The following GATB variants were observed in gnomAD, a reference collection of about 807,000 sequenced individuals.
GATB encodes glutamyl-tRNA amidotransferase subunit B.
Under a neutral mutation model 62.3 loss-of-function variants are expected in GATB, and 39 were observed. The ratio of observed to expected loss-of-function variants is 0.63; its 90% CI spans 0.48 to 0.82. The LOEUF is 0.82. Among genes scored for constraint, GATB ranks in the 40% least tolerant of loss-of-function variants. GATB has a pLI of 0.00. For missense variants in GATB, 670 were observed against 684.0 expected, an observed-to-expected ratio of 0.98 and a Z score of 0.23; for synonymous variants, 276 against 258.9, an observed-to-expected ratio of 1.07 and a Z score of -0.63.
intron 2 of GATB, among the ~76,000 whole-genome samples, chr4:151,737,470 G>A (rs1739399034): frequency 6.6e-6 from 1 of 152,218 alleles, no homozygotes; most frequent in Non-Finnish European, 1.5e-5. Context: ...AGAGCATAAA[G>A]TTTGGAAAAT....
intron 2 of GATB, chr4:151,722,393 T>C (rs1739049363): frequency 3.5e-6 from 2 of 571,734 alleles, no homozygotes; most frequent in South Asian, 4.5e-5. Context: ...ATTGTGGATC[T>C]GTGGCATTCT....
At chr4:151,752,210 T>C (rs1047713207) in intron 2 of GATB, among the ~76,000 whole-genome samples, 2 of 152,226 alleles carry the variant, frequency 1.3e-5, no homozygotes, top group Admixed American at 6.5e-5. Context: ...GATTATTTTT[T>C]TCTTCTCTGT....
intron 2 of GATB, among the ~76,000 whole-genome samples, chr4:151,724,764 C>G (rs1479829026): frequency 6.6e-6 from 1 of 152,044 alleles, no homozygotes; most frequent in Admixed American, 6.5e-5. Context: ...ATTTAGCTCC[C>G]CTGGCACTTG....
At position 151,758,632 on chromosome 4, in the gene GATB, A is replaced by C. The variant is rs183191811; in HGVS notation, c.327+140T>G. The C allele has an allele frequency of 3.3e-3, 2,124 of 651,450 alleles. 50 individuals are homozygous for C. The highest frequency in any genetic ancestry group is 7.7e-4 in the Non-Finnish European group (316 of 409,632). 40.4% of individuals were successfully genotyped at this position (651,450 alleles called of 1,614,324 possible). ...GAGATGGGTCTTCAGAAAACATTTA[A>C]TATATCCCGCTTCACCCAAAACTCC... On this transcript the variant is annotated intron_variant, in intron 2 of 12. Coordinates refer to ENST00000263985, the MANE Select transcript of GATB (RefSeq NM_004564.3).
intron 11 of GATB, chr4:151,677,536 T>C (rs1379216397): frequency 1.3e-5 from 2 of 152,214 alleles, no homozygotes; most frequent in African/African-American, 2.4e-5. Context: ...TCCATTCCTA[T>C]AGGTATACAT....
intron 6 of GATB, 94 bp from the exon 7 acceptor site, chr4:151,705,363 TAA>T (rs113829752): frequency 7.9e-3 from 4,649 of 587,536 alleles, no homozygotes; most frequent in Non-Finnish European, 8.3e-3. Context: ...ATCTCTAAGT[TAA>T]AAAAAAAAAA....
Position 151,672,870 on chromosome 4 carries a change from T to A in GATB, c.1437A>T (p.Glu479Asp), listed in dbSNP as rs146268611. The change falls in exon 12 of 13, where the codon GAA (glutamate) becomes GAT (aspartate). Residue 479 changes from glutamate to aspartate, a missense_variant. Physicochemically the swap from Glu to Asp is conservative, Grantham distance 45. Transcript: ENST00000263985. Reference sequence around the variant, plus strand: ...AAACAATCTGCCCTGGAGTCTTGCCTTCCCTCTTCCACAGTTCCTCAAACA... The same window carrying A: ...AAACAATCTGCCCTGGAGTCTTGCCATCCCTCTTCCACAGTTCCTCAAACA... ...KQVFEELWKR[E>D]GKTPGQIVSE... 76 of 1,614,088 alleles carry A rather than the reference T, an allele frequency of 4.7e-5. No individual in the cohort carries two copies. Among genetic ancestry groups the A allele is most frequent in the Non-Finnish European group, 5.2e-5 (61 of 1,180,028 alleles).
chr4:151,673,501 G>GCAAA (rs1737925365), intron 11 of GATB: 2 of 152,238 alleles, frequency 1.3e-5, no homozygotes, highest in African/African-American at 4.8e-5. Flanking sequence ...ATACAAAATG[G>GCAAA]CAAACAACTG....
chr4:151,688,903 A>G, intron 9 of GATB, 140 bp from the exon 10 acceptor site: 1 of 707,306 alleles, frequency 1.4e-6, no homozygotes, highest in Non-Finnish European at 2.3e-6. Context: ...AGATGTCACC[A>G]GAACATTCTG....
intron 9 of GATB, 85 bp from the exon 10 acceptor site, chr4:151,688,848 C>G: frequency 7.6e-7 from 1 of 1,310,670 alleles, no homozygotes; most frequent in Non-Finnish European, 1.0e-6. Context: ...GAAACTGTCC[C>G]CTCTGCCTCC....
chr4:151,731,826 C>A (rs1429880893), intron 2 of GATB, among the ~76,000 whole-genome samples: 2 of 150,722 alleles, frequency 1.3e-5, no homozygotes, highest in East Asian at 2.0e-4. Context: ...AAGTGAGGAG[C>A]CCCTCTGCCC....
At chr4:151,708,347 T>C (rs2126973031) in intron 5 of GATB, among the ~76,000 whole-genome samples, 1 of 152,374 alleles carries the variant, frequency 6.6e-6, no homozygotes, top group East Asian at 1.9e-4. Flanking sequence ...TACAGATGTG[T>C]GTGCTTATGC....
At chr4:151,704,656 TG>T (rs1354745791) in intron 7 of GATB, among the ~76,000 whole-genome samples, 1 of 151,748 alleles carries the variant, frequency 6.6e-6, no homozygotes, top group East Asian at 2.0e-4. Context: ...GGTTTCACCA[TG>T]TTAGCCAGGA....
At chr4:151,736,265 T>A (rs1037591851) in intron 2 of GATB, among the ~76,000 whole-genome samples, 1 of 152,174 alleles carries the variant, frequency 6.6e-6, no homozygotes, top group Admixed American at 6.5e-5. Context: ...ATATAAACCC[T>A]GCAAATAGAC....
At chr4:151,684,959 A>G (rs533750031) in intron 10 of GATB, among the ~76,000 whole-genome samples, 1 of 152,314 alleles carries the variant, frequency 6.6e-6, no homozygotes, top group South Asian at 2.1e-4. Flanking sequence ...ACAGAAGCCG[A>G]TCACAAGCCA....
At position 151,672,774 on chromosome 4, in the gene GATB, G is replaced by A. The variant is rs970374885; in HGVS notation, c.1533C>T (p.Ala511=). The A allele has an allele frequency of 1.9e-6, 3 of 1,613,884 alleles. No individual in the cohort carries two copies. The change falls in exon 12 of 13, where the codon GCC becomes GCT. Residue 511 remains alanine (A), a synonymous_variant. Coordinates refer to ENST00000263985, the MANE Select transcript of GATB (RefSeq NM_004564.3). ...LEQLCHSVME[A]HPQVVMDVKN... is the part of the protein sequence containing the mutation. ...CCGAGATAGTCACCACTTGAGGATG[G>A]GCCTCCATCACAGAGTGGCAGAGCT...
chr4:151,714,102 A>G (rs1560853718), intron 5 of GATB, among the ~76,000 whole-genome samples: 1 of 152,206 alleles, frequency 6.6e-6, no homozygotes, highest in Non-Finnish European at 1.5e-5. Flanking sequence ...CAAACTATTA[A>G]TACTTTGGGC....
chr4:151,697,969 A>ATATATATATATATATATATGTG, intron 9 of GATB, among the ~76,000 whole-genome samples: 1 of 102,484 alleles, frequency 9.8e-6, no homozygotes, highest in East Asian at 3.1e-4. Context: ...ATATATATAT[A>ATATATATATATATATATATGTG]TATATATATA....
chr4:151,705,797 G>A (rs1048709012), intron 6 of GATB, among the ~76,000 whole-genome samples: 3 of 152,190 alleles, frequency 2.0e-5, no homozygotes, highest in African/African-American at 7.2e-5. Flanking sequence ...GAGGCTGTGG[G>A]AATCAAAACA....
Sources: gnomAD v4.1 joint callset for allele counts (sites outside exome capture counted in the v4.1 genomes callset) on GRCh38, gnomAD v4.1.1 for gene constraint, MANE v1.5 for transcripts, NCBI Gene and HGNC (gene_info 2026-07-23, HGNC 2026-07-21) for gene names.